Variants in AGBL1 observed in about 807,000 individuals in gnomAD.
The protein encoded by AGBL1 is AGBL carboxypeptidase 1, also known as cytosolic carboxypeptidase 4.
AGBL1 carries 130 observed loss-of-function variants against 118.9 expected under a neutral mutation model. The observed-to-expected ratio is 1.09, with a 90% confidence interval of 0.95 to 1.26. The LOEUF is 1.26. Among genes scored for constraint, AGBL1 ranks in the 50% most tolerant of loss-of-function variants. The probability of loss-of-function intolerance (pLI) is 0.00; values close to 1 mark genes in which losing one functional copy is unlikely to be tolerated. For synonymous variants in AGBL1, 555 were observed against 478.9 expected, an observed-to-expected ratio of 1.16 and a Z score of -2.08; for missense variants, 1,584 against 1,298.1, an observed-to-expected ratio of 1.22 and a Z score of -3.38.
In AGBL1 at chr15:86,194,756, A is replaced by C. The variant is rs151121430; in HGVS notation, c.489-30158A>C. ...CACAGAACAGGTAACCCTCTGTTCC[A>C]ACAGGAGTGCCAGAGTCTGAAAATT... On this transcript the variant is annotated intron_variant, in intron 5 of 22. Coordinates refer to ENST00000614907, the MANE Select transcript of AGBL1 (RefSeq NM_001386094.1). Among the ~76,000 whole-genome samples the C allele has an allele frequency of 4.8e-4, 73 of 152,346 alleles. No individual in the cohort carries two copies. The East Asian group carries it at 0.013, about 28-fold the overall frequency.
intron 22 of AGBL1, among the ~76,000 whole-genome samples, chr15:86,832,363 T>C (rs569515103): frequency 1.2e-4 from 18 of 151,410 alleles, no homozygotes; most frequent in Non-Finnish European, 2.4e-4. Context: ...TCTGAACTTT[T>C]ATATTTTTTG....
At chr15:86,342,755 A>G (rs1567208471) in intron 17 of AGBL1, among the ~76,000 whole-genome samples, 3 of 152,212 alleles carry the variant, frequency 2.0e-5, no homozygotes, top group Non-Finnish European at 4.4e-5. Context: ...ATTAAATGAA[A>G]TAACAAACAT....
At chr15:86,230,238 C>T (rs1342624572) in intron 6 of AGBL1, among the ~76,000 whole-genome samples, 1 of 152,102 alleles carries the variant, frequency 6.6e-6, no homozygotes, top group African/African-American at 2.4e-5. Context: ...TCTCAGGAGT[C>T]GTCTGCTGTG....
chr15:86,147,466 C>A (rs1460968944), intron 3 of AGBL1, among the ~76,000 whole-genome samples: 2 of 152,220 alleles, frequency 1.3e-5, no homozygotes, highest in East Asian at 1.9e-4. Flanking sequence ...CTCTCCTGTG[C>A]CTGGCTTGGC....
intron 18 of AGBL1, among the ~76,000 whole-genome samples, chr15:86,448,072 G>A (rs2082146799): frequency 6.6e-6 from 1 of 152,204 alleles, no homozygotes; most frequent in African/African-American, 2.4e-5. Flanking sequence ...CTGAGCCAGG[G>A]AGGCAGAGGT....
At chr15:86,366,086 T>C (rs1007467716) in intron 17 of AGBL1, among the ~76,000 whole-genome samples, 1 of 152,210 alleles carries the variant, frequency 6.6e-6, no homozygotes, top group African/African-American at 2.4e-5. Flanking sequence ...ATAAACTTGC[T>C]CAGGTTCTTT....
At chr15:86,091,761 C>G (rs1299374330) in intron 1 of AGBL1, among the ~76,000 whole-genome samples, 5 of 152,120 alleles carry the variant, frequency 3.3e-5, no homozygotes, top group Non-Finnish European at 7.4e-5. Context: ...ACAGCAACTT[C>G]CAGTAAAATA....
At chr15:86,401,723 A>G (rs1364205854) in intron 18 of AGBL1, among the ~76,000 whole-genome samples, 1 of 151,688 alleles carries the variant, frequency 6.6e-6, no homozygotes, top group Non-Finnish European at 1.5e-5. Context: ...TTCCCACTTT[A>G]TGTTTTGTAT....
intron 22 of AGBL1, among the ~76,000 whole-genome samples, chr15:86,831,793 C>A (rs1344656505): frequency 6.6e-6 from 1 of 152,190 alleles, no homozygotes; most frequent in African/African-American, 2.4e-5. Flanking sequence ...TCTCATACCT[C>A]CACTAGGCAG....
intron 21 of AGBL1, among the ~76,000 whole-genome samples, chr15:86,618,784 G>A (rs1411679630): frequency 6.6e-6 from 1 of 152,084 alleles, no homozygotes; most frequent in Non-Finnish European, 1.5e-5. Context: ...TAAAGACATG[G>A]AGTTTTTCTA....
intron 22 of AGBL1, among the ~76,000 whole-genome samples, chr15:86,830,147 C>T (rs1391581593): frequency 6.6e-6 from 1 of 151,916 alleles, no homozygotes; most frequent in East Asian, 1.9e-4. Flanking sequence ...AGGTATAACG[C>T]ATATACTCTA....
At chr15:86,625,365 G>GTTTTTTTTTTTTT (rs1176940848) in intron 21 of AGBL1, among the ~76,000 whole-genome samples, 1 of 123,074 alleles carries the variant, frequency 8.1e-6, no homozygotes, top group African/African-American at 3.1e-5. Context: ...AGAAATTAGC[G>GTTTTTTTTTTTTT]TTTTTTTTTT....
chr15:86,226,270 C>G (rs1314679069), intron 6 of AGBL1, among the ~76,000 whole-genome samples: 7 of 152,112 alleles, frequency 4.6e-5, no homozygotes, highest in Admixed American at 4.6e-4. Context: ...CGGTTGCTCC[C>G]AAATGCCTGG....
chr15:86,747,475 A>G (rs904675409), intron 22 of AGBL1, among the ~76,000 whole-genome samples: 9 of 152,054 alleles, frequency 5.9e-5, no homozygotes, highest in Admixed American at 2.0e-4. Flanking sequence ...CAAAGGCAAT[A>G]ATTCTTTTCT....
chr15:86,683,367 T>C (rs982044631), intron 22 of AGBL1, among the ~76,000 whole-genome samples: 3 of 152,178 alleles, frequency 2.0e-5, no homozygotes, highest in Admixed American at 6.6e-5. Flanking sequence ...TTGTAACCCA[T>C]GGTGAATTGA....
At chr15:86,510,031 A>G (rs796646482) in intron 18 of AGBL1, among the ~76,000 whole-genome samples, 4 of 151,534 alleles carry the variant, frequency 2.6e-5, no homozygotes, top group African/African-American at 9.7e-5. Flanking sequence ...AAGGAACTCC[A>G]GAATTCCAAG....
At chr15:86,217,408 T>C (rs1736113202) in intron 5 of AGBL1, among the ~76,000 whole-genome samples, 1 of 152,200 alleles carries the variant, frequency 6.6e-6, no homozygotes, top group South Asian at 2.1e-4. Flanking sequence ...AGGGGTAGAA[T>C]AGTAGAAAAC....
intron 22 of AGBL1, among the ~76,000 whole-genome samples, chr15:86,817,648 GACAC>G (rs199984645): frequency 3.5e-5 from 5 of 144,346 alleles, no homozygotes; most frequent in African/African-American, 5.2e-5. Context: ...CACACACACA[GACAC>G]ACACACACAC....
intron 16 of AGBL1, among the ~76,000 whole-genome samples, chr15:86,290,449 C>G (rs2079526571): frequency 6.6e-6 from 1 of 150,528 alleles, no homozygotes; most frequent in Non-Finnish European, 1.5e-5. Context: ...CTCCCAGGCT[C>G]AAGTGATCCT....
Sources: gnomAD v4.1 joint callset for allele counts (sites outside exome capture counted in the v4.1 genomes callset) on GRCh38, gnomAD v4.1.1 for gene constraint, MANE v1.5 for transcripts, NCBI Gene and HGNC (gene_info 2026-07-23, HGNC 2026-07-21) for gene names.